The following CPNE8 variants were observed in gnomAD, a reference collection of about 807,000 sequenced individuals.
CPNE8 encodes copine-8.
In CPNE8, 45 loss-of-function variants were observed where a neutral mutation model predicts 81.5. The ratio of observed to expected loss-of-function variants is 0.55; its 90% CI spans 0.44 to 0.71. CPNE8 has a LOEUF of 0.71. Among genes scored for constraint, CPNE8 ranks in the 30% least tolerant of loss-of-function variants. The pLI is 0.00. For missense variants in CPNE8, 594 were observed against 672.1 expected (o/e 0.88, Z 1.28); for synonymous variants, 252 against 226.3 (o/e 1.11, Z -1.02).
chr12:38,849,616 C>A (rs1361422299), intron 3 of CPNE8, among the ~76,000 whole-genome samples: 3 of 152,094 alleles, frequency 2.0e-5, no homozygotes, highest in African/African-American at 7.2e-5. Context: ...AACTGTAGTA[C>A]AAAATATTGA....
intron 3 of CPNE8, among the ~76,000 whole-genome samples, chr12:38,859,436 A>G (rs1359619986): frequency 6.6e-6 from 1 of 152,148 alleles, no homozygotes; most frequent in East Asian, 1.9e-4. Context: ...AATAAGAAAG[A>G]CAAAAAAATG....
chr12:38,853,527 G>A (rs1943680978), intron 3 of CPNE8, among the ~76,000 whole-genome samples: 1 of 151,576 alleles, frequency 6.6e-6, no homozygotes, highest in Non-Finnish European at 1.5e-5. Context: ...TTATAATTAG[G>A]AAACTATTCT....
chr12:38,699,694 T>A (rs2136684349), intron 14 of CPNE8, among the ~76,000 whole-genome samples: 1 of 151,966 alleles, frequency 6.6e-6, no homozygotes, highest in East Asian at 2.0e-4. Flanking sequence ...CGAAGCTTTC[T>A]AAACTTTTTT....
At chr12:38,705,923 C>A (rs539518057) in intron 13 of CPNE8, among the ~76,000 whole-genome samples, 36 of 152,032 alleles carry the variant, frequency 2.4e-4, no homozygotes, top group Non-Finnish European at 4.6e-4. Flanking sequence ...ATACATATAT[C>A]ATAAGATATT....
chr12:38,709,196 C>G, intron 13 of CPNE8, among the ~76,000 whole-genome samples: 1 of 152,188 alleles, frequency 6.6e-6, no homozygotes, highest in East Asian at 1.9e-4. Context: ...GTGCACTTGC[C>G]TCAAACATTG....
intron 5 of CPNE8, among the ~76,000 whole-genome samples, chr12:38,836,847 T>C (rs777276088): frequency 1.3e-5 from 2 of 152,202 alleles, no homozygotes; most frequent in East Asian, 1.9e-4. Flanking sequence ...TCTGTACTTG[T>C]ATGCTTTCAA....
At chr12:38,811,218 T>TA (rs139617113) in intron 6 of CPNE8, among the ~76,000 whole-genome samples, 43,415 of 150,600 alleles carry the variant, frequency 0.29, 8,052 homozygotes, top group Non-Finnish European at 0.41. Context: ...ATTGCGTATA[T>TA]AAAAAAAAAC....
chr12:38,852,543 G>A (rs1179915285), intron 3 of CPNE8, among the ~76,000 whole-genome samples: 11 of 151,206 alleles, frequency 7.3e-5, no homozygotes, highest in African/African-American at 1.9e-4. Context: ...CGGAGGTTGC[G>A]GTGAGCCAAG....
intron 10 of CPNE8, among the ~76,000 whole-genome samples, chr12:38,759,697 C>G (rs191092406): frequency 6.6e-6 from 1 of 152,108 alleles, no homozygotes; most frequent in Non-Finnish European, 1.5e-5. Flanking sequence ...GAATAATAAT[C>G]TCCACTTCCC....
intron 14 of CPNE8, among the ~76,000 whole-genome samples, chr12:38,701,961 T>A (rs1939959119): frequency 6.6e-6 from 1 of 152,220 alleles, no homozygotes; most frequent in African/African-American, 2.4e-5. Context: ...AGTGTGTTTA[T>A]TAGTAAAAAT....
chr12:38,766,372 G>C (rs11169458), intron 8 of CPNE8, among the ~76,000 whole-genome samples: 1 of 151,948 alleles, frequency 6.6e-6, no homozygotes, highest in African/African-American at 2.4e-5. Flanking sequence ...CTCTATTTTC[G>C]AAATGCCTGG....
At chr12:38,715,941 A>G (rs1293778645) in intron 13 of CPNE8, among the ~76,000 whole-genome samples, 3 of 152,138 alleles carry the variant, frequency 2.0e-5, no homozygotes, top group Admixed American at 6.6e-5. Context: ...CGAATTCAGT[A>G]AAGTCTCAGG....
intron 16 of CPNE8, among the ~76,000 whole-genome samples, chr12:38,680,200 G>T (rs1939379376): frequency 1.3e-5 from 2 of 151,872 alleles, no homozygotes; most frequent in Non-Finnish European, 2.9e-5. Context: ...TTCATATCTG[G>T]TTGGCTCAGA....
intron 19 of CPNE8, among the ~76,000 whole-genome samples, chr12:38,655,090 C>T (rs1938788326): frequency 1.3e-5 from 2 of 152,112 alleles, no homozygotes; most frequent in African/African-American, 4.8e-5. Context: ...GAAATATCAT[C>T]ATTCTAACAA....
chr12:38,675,761 G>A lies in CPNE8; in HGVS notation c.1388C>T (p.Pro463Leu), dbSNP rs1024210753. 6 of 1,603,872 alleles carry A rather than the reference G, an allele frequency of 3.7e-6. No homozygotes were observed. Among genetic ancestry groups the A allele is most frequent in the African/African-American group, 1.3e-5 (1 of 74,660 alleles). The change falls in exon 18 of 20, where the codon CCA becomes CTA. Residue 463 changes from proline (P) to leucine (L), a missense_variant. Transcript: ENST00000331366. ...AACACCTACTATAATTATTGACATT[G>A]GAAGTTTTGAGGCCTTCAAAGAGAA... ...KESIVNASKL[P>L]MSIIIVGVGP...
intron 1 of CPNE8, among the ~76,000 whole-genome samples, chr12:38,880,181 A>T (rs1944131908): frequency 6.6e-6 from 1 of 152,230 alleles, no homozygotes; most frequent in South Asian, 2.1e-4. Context: ...TCCCCTGCAA[A>T]TTGCCCTGTG....
intron 1 of CPNE8, among the ~76,000 whole-genome samples, chr12:38,893,007 T>TA (rs145617759): frequency 0.053 from 7,839 of 148,848 alleles, 661 homozygotes; most frequent in African/African-American, 0.18. Flanking sequence ...AATAGTTCTT[T>TA]AAAAAAAAAA....
At chr12:38,802,613 G>A (rs1411370685) in intron 6 of CPNE8, among the ~76,000 whole-genome samples, 2 of 148,908 alleles carry the variant, frequency 1.3e-5, no homozygotes, top group African/African-American at 2.5e-5. Context: ...AAAAGCAAGA[G>A]CAAACACATT....
intron 6 of CPNE8, among the ~76,000 whole-genome samples, chr12:38,805,997 A>T (rs1458747985): frequency 6.7e-6 from 1 of 150,354 alleles, no homozygotes; most frequent in Admixed American, 6.6e-5. Flanking sequence ...AAACTAGAAA[A>T]TCTAGAAGAA....
Sources: allele counts gnomAD v4.1 joint callset (sites outside exome capture counted in the v4.1 genomes callset), GRCh38; gene constraint gnomAD v4.1.1; transcripts MANE v1.5; gene names NCBI Gene and HGNC (gene_info 2026-07-23, HGNC 2026-07-21).